The following RBFOX1 variants were observed in gnomAD, a reference collection of about 807,000 sequenced individuals.
RBFOX1 encodes the protein RNA binding fox-1 homolog 1.
In RBFOX1, 8 loss-of-function variants were observed where a neutral mutation model predicts 57.7. That is an observed-to-expected ratio of 0.14 (90% CI 0.08 to 0.25). The LOEUF (loss-of-function observed/expected upper bound fraction) is 0.25, where lower values mean the gene tolerates loss of function less well. Ranked by LOEUF, RBFOX1 falls within the 10% of genes least tolerant of loss-of-function variation. RBFOX1 has a pLI of 1.00. For synonymous variants in RBFOX1, 326 were observed against 222.4 expected (o/e 1.47, Z -4.15); for missense variants, 611 against 548.5 (o/e 1.11, Z -1.14).
At chr16:6,811,431 T>C (rs1488616453) in intron 3 of RBFOX1, among the ~76,000 whole-genome samples, 2 of 152,256 alleles carry the variant, frequency 1.3e-5, no homozygotes, top group South Asian at 2.1e-4. Context: ...TTGGCTATTA[T>C]ACAATATATT....
chr16:5,874,893 C>A (rs932074763), intron 4 of RBFOX1, among the ~76,000 whole-genome samples: 1 of 152,120 alleles, frequency 6.6e-6, no homozygotes, highest in Non-Finnish European at 1.5e-5. Flanking sequence ...CTGCAGTGAG[C>A]TATGATTGCA....
chr16:5,414,159 G>A lies in RBFOX1; in HGVS notation c.220-53057G>A, dbSNP rs980166907. On this transcript the variant is annotated intron_variant, in intron 1 of 2. Coordinates refer to the RBFOX1 transcript ENST00000585867. The stretch of plus-strand genomic sequence containing the variant: ...ACACCGTGGTTCTAACAATCATTGC[G>A]CCAAGGGAAAAACAAGGGTGATCAC... Among the ~76,000 whole-genome samples, 18 of 152,258 alleles carry A rather than the reference G, an allele frequency of 1.2e-4. No homozygotes were observed. The East Asian group carries it at 1.4e-3, about 11-fold the overall frequency.
chr16:5,955,351 TAAATAAAAATAAAATAAAA>T lies in RBFOX1; in HGVS notation c.351+88017_351+88035del, dbSNP rs1567187817. 6.6e-4 allele frequency among the ~76,000 whole-genome samples: 52 copies of T among 78,962 alleles called. 5 individuals are homozygous for T. Among genetic ancestry groups the T allele is most frequent in the African/African-American group, 2.5e-3 (43 of 16,940 alleles). The allele number at this position is 78,962 out of a possible 152,430, so 51.8% of individuals were successfully genotyped here. A position where few individuals can be genotyped will look rare whatever the true frequency, so the allele number is the denominator to read the frequency against. On this transcript the variant is annotated intron_variant, in intron 4 of 19. Coordinates refer to the RBFOX1 transcript ENST00000641259. ...TAAAATAAAATAAAATAAAATAAAA[TAAATAAAAATAAAATAAAA>T]TAAAATAAAATAAAATAAAATAAAA...
chr16:7,129,359 C>G (rs562940533), intron 4 of RBFOX1, among the ~76,000 whole-genome samples: 17 of 152,224 alleles, frequency 1.1e-4, no homozygotes, highest in Non-Finnish European at 5.9e-5. Context: ...GGAGTCAGCC[C>G]TACCTAAACC....
intron 2 of RBFOX1, among the ~76,000 whole-genome samples, chr16:6,338,867 T>A (rs549112144): frequency 1.3e-5 from 2 of 152,284 alleles, no homozygotes; most frequent in African/African-American, 4.8e-5. Context: ...AGGTACACAA[T>A]AAAAGTTTTC....
Position 7,232,689 on chromosome 16 carries a change from A to C in RBFOX1, c.27+180591A>C, listed in dbSNP as rs1472623903. 3.9e-5 allele frequency among the ~76,000 whole-genome samples: 6 copies of C among 152,014 alleles called. No individual in the cohort carries two copies. The East Asian group carries it at 9.7e-4, about 25-fold the overall frequency. On this transcript the variant is annotated intron_variant, in intron 4 of 15. Coordinates refer to ENST00000550418, the MANE Select transcript of RBFOX1 (RefSeq NM_018723.4). Reference sequence around the variant, plus strand: ...AAACCCTGTCTCTACTAAAAATGCAAAATTAGCTGGGTGTGGTGGTGCATG... The same window carrying C: ...AAACCCTGTCTCTACTAAAAATGCACAATTAGCTGGGTGTGGTGGTGCATG...
chr16:6,325,480 A>G (rs781057320), intron 2 of RBFOX1, among the ~76,000 whole-genome samples: 13 of 152,242 alleles, frequency 8.5e-5, no homozygotes, highest in Non-Finnish European at 1.8e-4. Flanking sequence ...CCGGTTACCA[A>G]CTGAAGAAAA....
intron 4 of RBFOX1, among the ~76,000 whole-genome samples, chr16:7,369,895 C>G (rs1287405881): frequency 1.3e-5 from 2 of 152,222 alleles, no homozygotes. Context: ...GGCTTATCCC[C>G]ACTTTACAGA....
At chr16:6,991,241 A>G (rs577902560) in intron 3 of RBFOX1, among the ~76,000 whole-genome samples, 153 of 151,494 alleles carry the variant, frequency 1.0e-3, no homozygotes, top group African/African-American at 3.6e-3. Flanking sequence ...CAGAGGTTGC[A>G]GTGAGTTGAG....
intron 1 of RBFOX1, among the ~76,000 whole-genome samples, chr16:6,031,339 G>A (rs2095286318): frequency 6.6e-6 from 1 of 152,194 alleles, no homozygotes; most frequent in Admixed American, 6.5e-5. Flanking sequence ...GCAAGGGAAG[G>A]GATGTGGCTG....
intron 4 of RBFOX1, among the ~76,000 whole-genome samples, chr16:7,257,919 T>C (rs2094761647): frequency 6.6e-6 from 1 of 152,172 alleles, no homozygotes; most frequent in Admixed American, 6.5e-5. Context: ...TCCATCTTCG[T>C]ATCTCCTGCT....
intron 3 of RBFOX1, among the ~76,000 whole-genome samples, chr16:5,686,831 G>C (rs931963126): frequency 7.2e-5 from 11 of 152,176 alleles, no homozygotes; most frequent in Non-Finnish European, 1.0e-4. Context: ...TCTGACAGAA[G>C]TCATAAATTG....
intron 2 of RBFOX1, among the ~76,000 whole-genome samples, chr16:6,336,629 C>T (rs1395628101): frequency 1.3e-5 from 2 of 152,078 alleles, no homozygotes; most frequent in Non-Finnish European, 2.9e-5. Flanking sequence ...AGAACTTTGC[C>T]AGTTGTCAAC....
chr16:7,048,306 C>G (rs890455736), intron 3 of RBFOX1, among the ~76,000 whole-genome samples: 2 of 152,086 alleles, frequency 1.3e-5, no homozygotes, highest in Admixed American at 6.6e-5. Flanking sequence ...GTCTCCCAGG[C>G]TAGAGTGCAG....
At chr16:6,633,073 C>T (rs1311929023) in intron 2 of RBFOX1, among the ~76,000 whole-genome samples, 3 of 152,102 alleles carry the variant, frequency 2.0e-5, no homozygotes, top group African/African-American at 4.8e-5. Context: ...CTTCCTGGGA[C>T]ATGCTTTTTT....
chr16:6,380,476 CAG>C (rs1370575151), intron 2 of RBFOX1, among the ~76,000 whole-genome samples: 2 of 118,278 alleles, frequency 1.7e-5, no homozygotes, highest in Non-Finnish European at 3.3e-5. Context: ...GGTCTAGACA[CAG>C]AGAAAATGGA....
At chr16:7,230,751 G>C (rs1234573669) in intron 4 of RBFOX1, among the ~76,000 whole-genome samples, 1 of 152,164 alleles carries the variant, frequency 6.6e-6, no homozygotes, top group African/African-American at 2.4e-5. Context: ...CCAAATGCAT[G>C]AATTTACACA....
chr16:7,602,337 G>A (rs965823021), intron 9 of RBFOX1, among the ~76,000 whole-genome samples: 1 of 152,186 alleles, frequency 6.6e-6, no homozygotes, highest in South Asian at 2.1e-4. Flanking sequence ...TACAGAGCCA[G>A]ACCCCAAGAC....
chr16:6,496,746 G>T (rs924019624), intron 2 of RBFOX1, among the ~76,000 whole-genome samples: 1 of 152,062 alleles, frequency 6.6e-6, no homozygotes, highest in African/African-American at 2.4e-5. Flanking sequence ...GATCGCTTGA[G>T]GTCAGGAGTT....
Sources: allele counts gnomAD v4.1 joint callset (sites outside exome capture counted in the v4.1 genomes callset), GRCh38; gene constraint gnomAD v4.1.1; transcripts MANE v1.5; gene names NCBI Gene and HGNC (gene_info 2026-07-23, HGNC 2026-07-21).